Variants in ADAMTSL1 observed in about 807,000 individuals in gnomAD.
ADAMTSL1 encodes ADAMTS-like protein 1.
Under a neutral mutation model 201.8 loss-of-function variants are expected in ADAMTSL1, and 126 were observed. The ratio of observed to expected loss-of-function variants is 0.62; its 90% CI spans 0.54 to 0.72. The LOEUF (loss-of-function observed/expected upper bound fraction) is 0.72. ADAMTSL1 is among the 30% of genes least tolerant of loss of function. The pLI, the probability that ADAMTSL1 is intolerant of heterozygous loss-of-function variation, is 0.00. For missense variants in ADAMTSL1, 2,679 were observed against 2,277.8 expected, an observed-to-expected ratio of 1.18 and a Z score of -3.59; for synonymous variants, 1,121 against 903.4, an observed-to-expected ratio of 1.24 and a Z score of -4.32.
chr9:18,258,965 G>T (rs1448831848), intron 2 of ADAMTSL1, among the ~76,000 whole-genome samples: 2 of 152,120 alleles, frequency 1.3e-5, no homozygotes, highest in African/African-American at 4.8e-5. Context: ...TACCAGAATT[G>T]CCACGATCAT....
At chr9:18,291,010 T>C (rs1833237924) in intron 2 of ADAMTSL1, among the ~76,000 whole-genome samples, 1 of 152,096 alleles carries the variant, frequency 6.6e-6, no homozygotes, top group African/African-American at 2.4e-5. Flanking sequence ...CTCTGTCTCC[T>C]GACCTTGTGA....
intron 3 of ADAMTSL1, among the ~76,000 whole-genome samples, chr9:18,537,488 A>T (rs369133398): frequency 6.6e-6 from 1 of 152,298 alleles, no homozygotes; most frequent in African/African-American, 2.4e-5. Flanking sequence ...GTATTGGAAG[A>T]TAAGAAAAAA....
intron 10 of ADAMTSL1, among the ~76,000 whole-genome samples, chr9:18,677,350 GA>G (rs1228577346): frequency 6.6e-6 from 1 of 151,712 alleles, no homozygotes; most frequent in African/African-American, 2.4e-5. Flanking sequence ...TCTTGACCTT[GA>G]AAAAATAATG....
intron 1 of ADAMTSL1, among the ~76,000 whole-genome samples, chr9:17,988,935 C>G (rs1302743604): frequency 6.6e-6 from 1 of 151,832 alleles, no homozygotes; most frequent in African/African-American, 2.4e-5. Context: ...CAATTGCTCT[C>G]CCTTTCCCAT....
intron 1 of ADAMTSL1, among the ~76,000 whole-genome samples, chr9:18,099,326 A>AATATATATATAT (rs71333027): frequency 3.6e-4 from 21 of 57,576 alleles, no homozygotes; most frequent in East Asian, 1.7e-3. Flanking sequence ...GCAAATGGAA[A>AATATATATATAT]ATATATATAT....
chr9:18,814,018 G>A (rs1039208964), intron 20 of ADAMTSL1, among the ~76,000 whole-genome samples: 2 of 152,234 alleles, frequency 1.3e-5, no homozygotes, highest in Middle Eastern at 3.4e-3. Context: ...ATCATGAATG[G>A]ATGTTGAATT....
Position 18,352,146 on chromosome 9 carries a change from C to T in ADAMTSL1, c.208-152683C>T, listed in dbSNP as rs189705766. On this transcript the variant is annotated intron_variant, in intron 2 of 29. Transcript: ENST00000680146. ...ATTTTAAAATACACAGCTGTAGCTT[C>T]TATAGTGTTATCCTTAGTGCATCTT... 4.6e-5 allele frequency among the ~76,000 whole-genome samples: 7 copies of T among 152,186 alleles called. No homozygotes were observed. The East Asian group carries it at 1.4e-3, about 29-fold the overall frequency.
chr9:18,473,629 G>T (rs1030015719), upstream of ADAMTSL1, among the ~76,000 whole-genome samples: 3 of 152,180 alleles, frequency 2.0e-5, no homozygotes, highest in Admixed American at 6.5e-5. Context: ...AAATAAAACA[G>T]TTGTACAGAA....
intron 11 of ADAMTSL1, 110 bp downstream of exon 11, chr9:18,680,626 C>G: frequency 1.7e-6 from 2 of 1,207,070 alleles, no homozygotes; most frequent in Non-Finnish European, 2.4e-6. Flanking sequence ...CTTGAGGTGT[C>G]TAGAAGCCTA....
chr9:18,182,537 G>T (rs1022032671), intron 2 of ADAMTSL1, among the ~76,000 whole-genome samples: 6 of 152,192 alleles, frequency 3.9e-5, no homozygotes, highest in African/African-American at 9.6e-5. Flanking sequence ...TATATAAGGA[G>T]AAATGCTCCC....
At chr9:17,919,032 AC>A (rs1280666522) in intron 1 of ADAMTSL1, among the ~76,000 whole-genome samples, 2 of 151,738 alleles carry the variant, frequency 1.3e-5, no homozygotes, top group African/African-American at 4.8e-5. Flanking sequence ...TATAATAGTT[AC>A]CTCCATTGTT....
At chr9:18,440,560 C>A (rs1296124964) in intron 2 of ADAMTSL1, among the ~76,000 whole-genome samples, 2 of 151,062 alleles carry the variant, frequency 1.3e-5, no homozygotes, top group African/African-American at 2.4e-5. Flanking sequence ...TAAATAAAAA[C>A]AACACTTTAT....
At chr9:18,571,029 C>G (rs918942397) in intron 3 of ADAMTSL1, among the ~76,000 whole-genome samples, 1 of 152,058 alleles carries the variant, frequency 6.6e-6, no homozygotes, top group African/African-American at 2.4e-5. Context: ...ACCTAAAGGT[C>G]TTAACATTTT....
intron 1 of ADAMTSL1, among the ~76,000 whole-genome samples, chr9:18,105,910 A>G (rs1250294576): frequency 6.6e-6 from 1 of 152,222 alleles, no homozygotes; most frequent in East Asian, 1.9e-4. Context: ...AAGACTCATC[A>G]AATAACTCAG....
chr9:18,678,026 C>A (rs1355679935), intron 10 of ADAMTSL1, among the ~76,000 whole-genome samples: 1 of 152,036 alleles, frequency 6.6e-6, no homozygotes, highest in Non-Finnish European at 1.5e-5. Context: ...GGTATAGATA[C>A]AAAACACAAT....
chr9:17,996,388 T>C (rs1281250184), intron 1 of ADAMTSL1, among the ~76,000 whole-genome samples: 3 of 152,048 alleles, frequency 2.0e-5, no homozygotes, highest in African/African-American at 7.2e-5. Context: ...CAGAGACCTT[T>C]TCAGTATAAG....
At chr9:18,708,558 T>C (rs941231362) in intron 14 of ADAMTSL1, among the ~76,000 whole-genome samples, 2 of 152,224 alleles carry the variant, frequency 1.3e-5, no homozygotes, top group African/African-American at 4.8e-5. Flanking sequence ...TGGTGATCTC[T>C]GGAGCCTGGG....
chr9:18,672,554 C>T (rs758244057), intron 9 of ADAMTSL1, among the ~76,000 whole-genome samples: 1 of 152,026 alleles, frequency 6.6e-6, no homozygotes, highest in Non-Finnish European at 1.5e-5. Context: ...GTCACATGAA[C>T]ACACATATGT....
At chr9:18,586,994 A>G (rs1823539065) in intron 4 of ADAMTSL1, among the ~76,000 whole-genome samples, 1 of 152,192 alleles carries the variant, frequency 6.6e-6, no homozygotes, top group Admixed American at 6.5e-5. Context: ...TTAAAAAAAA[A>G]CTGTGGAAGA....
Sources: gnomAD v4.1 joint callset for allele counts (sites outside exome capture counted in the v4.1 genomes callset) on GRCh38, gnomAD v4.1.1 for gene constraint, MANE v1.5 for transcripts, NCBI Gene and HGNC (gene_info 2026-07-23, HGNC 2026-07-21) for gene names.